OXR1: variants seen among roughly 807,000 people sequenced by gnomAD.
The protein encoded by OXR1 is oxidation resistance protein 1.
Under a neutral mutation model 104.6 loss-of-function variants are expected in OXR1, and 41 were observed. The observed-to-expected ratio is 0.39, with a 90% CI of 0.31 to 0.51. The LOEUF (loss-of-function observed/expected upper bound fraction) is 0.51. Ranked by LOEUF, OXR1 falls within the 20% of genes least tolerant of loss-of-function variation. The probability of loss-of-function intolerance (pLI) is 0.77; values close to 1 mark genes in which losing one functional copy is unlikely to be tolerated. For synonymous variants in OXR1, 348 were observed against 348.4 expected, an observed-to-expected ratio of 1.00 and a Z score of 0.01; for missense variants, 955 against 1,031.9, an observed-to-expected ratio of 0.93 and a Z score of 1.02.
At chr8:106,385,389 C>G (rs1411297447) in intron 2 of OXR1, among the ~76,000 whole-genome samples, 1 of 152,150 alleles carries the variant, frequency 6.6e-6, no homozygotes. Flanking sequence ...TTCATATAAA[C>G]TGCCTTCTTG....
intron 1 of OXR1, among the ~76,000 whole-genome samples, chr8:106,291,250 C>A (rs992247852): frequency 6.6e-6 from 1 of 152,042 alleles, no homozygotes; most frequent in Non-Finnish European, 1.5e-5. Context: ...ACACATGAAC[C>A]TAAACCTGGA....
At chr8:106,584,645 A>C (rs1431436200) in intron 3 of OXR1, among the ~76,000 whole-genome samples, 2 of 152,184 alleles carry the variant, frequency 1.3e-5, no homozygotes, top group Admixed American at 1.3e-4. Context: ...TAGTTTTACT[A>C]TCATTATAAA....
chr8:106,409,720 G>A (rs764723541), intron 2 of OXR1, among the ~76,000 whole-genome samples: 1 of 152,088 alleles, frequency 6.6e-6, no homozygotes, highest in Non-Finnish European at 1.5e-5. Flanking sequence ...CTGCATGAAA[G>A]GCTTAGTTAC....
chr8:106,594,615 C>G (rs1452772815), intron 3 of OXR1, among the ~76,000 whole-genome samples: 1 of 152,062 alleles, frequency 6.6e-6, no homozygotes, highest in East Asian at 1.9e-4. Context: ...CTTCTCAGAG[C>G]AAGTTTAGTT....
chr8:106,706,446 G>A lies in OXR1; in HGVS notation c.925G>A (p.Glu309Lys). 1.9e-6 allele frequency: 3 copies of A among 1,599,604 alleles called. No individual in the cohort carries two copies. The highest frequency in any genetic ancestry group is 2.6e-6 in the Non-Finnish European group (3 of 1,175,980). Residue 309 changes from glutamate to lysine, a missense_variant, in exon 9 of 17, where the codon GAG becomes AAG. Glu to Lys is a moderately conservative substitution (Grantham distance 56). Transcript: ENST00000517566. ...AAAGAAAATGACAGGAAGTAACACTGAGGAAATAGACTCAAGAATCCGAGA... is the reference window on the plus strand; with the variant it reads ...AAAGAAAATGACAGGAAGTAACACTAAGGAAATAGACTCAAGAATCCGAGA... ...HSKKMTGSNTEEIDSRIRDAG... is the reference protein window; with the variant it reads ...HSKKMTGSNTKEIDSRIRDAG...
At chr8:106,314,470 G>A (rs1813843575) in intron 1 of OXR1, among the ~76,000 whole-genome samples, 1 of 152,198 alleles carries the variant, frequency 6.6e-6, no homozygotes, top group Admixed American at 6.5e-5. Context: ...AAGACACTGA[G>A]CACAGTTTGC....
At position 106,504,859 on chromosome 8, in the gene OXR1, T is replaced by C. The variant is rs548829065; in HGVS notation, c.24-14084T>C. Among the ~76,000 whole-genome samples the C allele has an allele frequency of 4.4e-4, 67 of 152,336 alleles. No individual in the cohort carries two copies. The South Asian group carries it at 7.3e-3, about 16-fold the overall frequency. On this transcript the variant is annotated intron_variant, in intron 2 of 16. Coordinates refer to ENST00000517566, the MANE Select transcript of OXR1 (RefSeq NM_001198533.2). ...TTCTATTGCCCCTTTTTTCCTGGCT[T>C]TGTTAATGTATAATATATTGCTTTT... is the stretch of plus-strand genomic sequence containing the variant.
chr8:106,364,619 AT>A (rs11286423), intron 2 of OXR1, among the ~76,000 whole-genome samples: 151,382 of 152,154 alleles, frequency 0.99, 75,307 homozygotes, highest in Middle Eastern at 1. Context: ...AAAAGTAATA[AT>A]TTTTTTTTAG....
intron 1 of OXR1, among the ~76,000 whole-genome samples, chr8:106,346,065 C>T (rs1815463977): frequency 6.6e-6 from 1 of 151,944 alleles, no homozygotes. Context: ...GAGGAGGGAA[C>T]ATCTTGGTAA....
chr8:106,434,759 T>C, intron 2 of OXR1, among the ~76,000 whole-genome samples: 1 of 152,166 alleles, frequency 6.6e-6, no homozygotes, highest in Non-Finnish European at 1.5e-5. Flanking sequence ...GTTGAATGGA[T>C]TCAGAAAATA....
At chr8:106,740,759 A>G (rs2131575713) in intron 14 of OXR1, among the ~76,000 whole-genome samples, 1 of 152,268 alleles carries the variant, frequency 6.6e-6, no homozygotes. Flanking sequence ...GGTGGGGAAA[A>G]TGGTAGGTTT....
intron 4 of OXR1, among the ~76,000 whole-genome samples, chr8:106,682,739 G>A (rs1828303242): frequency 6.6e-6 from 1 of 152,036 alleles, no homozygotes; most frequent in South Asian, 2.1e-4. Context: ...CTCAACTTTA[G>A]TTCAAATATT....
chr8:106,518,020 G>T (rs575425572), intron 2 of OXR1, among the ~76,000 whole-genome samples: 1 of 152,120 alleles, frequency 6.6e-6, no homozygotes, highest in African/African-American at 2.4e-5. Context: ...CAGATGTCAC[G>T]TTGAAGCTAT....
chr8:106,399,842 G>A (rs980514927), intron 2 of OXR1, among the ~76,000 whole-genome samples: 6 of 152,152 alleles, frequency 3.9e-5, no homozygotes, highest in African/African-American at 1.4e-4. Context: ...ATTCCAGATT[G>A]CAAGCTTCTT....
chr8:106,520,175 T>C (rs1430066933), intron 3 of OXR1, among the ~76,000 whole-genome samples: 1 of 152,190 alleles, frequency 6.6e-6, no homozygotes, highest in Admixed American at 6.5e-5. Flanking sequence ...CACTCCAGTA[T>C]GAGACTGTTT....
intron 3 of OXR1, among the ~76,000 whole-genome samples, chr8:106,670,129 G>A (rs563752167): frequency 1.2e-3 from 188 of 152,250 alleles, no homozygotes; most frequent in Non-Finnish European, 2.1e-3. Context: ...ATGGAACCGG[G>A]CCAGAGTGCA....
intron 3 of OXR1, among the ~76,000 whole-genome samples, chr8:106,654,957 A>G (rs1212727563): frequency 6.6e-6 from 1 of 152,230 alleles, no homozygotes; most frequent in African/African-American, 2.4e-5. Context: ...ATCTTATACA[A>G]AGTAATGTTA....
At chr8:106,526,775 C>G (rs1813715932) in intron 3 of OXR1, among the ~76,000 whole-genome samples, 1 of 152,236 alleles carries the variant, frequency 6.6e-6, no homozygotes, top group Admixed American at 6.5e-5. Context: ...TATCTCCTGA[C>G]TTCGTGATGC....
At chr8:106,700,602 A>C (rs1050317292) in intron 7 of OXR1, among the ~76,000 whole-genome samples, 2 of 151,764 alleles carry the variant, frequency 1.3e-5, no homozygotes, top group East Asian at 1.9e-4. Context: ...CAAAAAGTAG[A>C]CTCATGGTTT....
Sources: allele counts gnomAD v4.1 joint callset (sites outside exome capture counted in the v4.1 genomes callset), GRCh38; gene constraint gnomAD v4.1.1; transcripts MANE v1.5; gene names NCBI Gene and HGNC (gene_info 2026-07-23, HGNC 2026-07-21).